RHBDL2: variants seen among roughly 807,000 people sequenced by gnomAD.
The protein encoded by RHBDL2 is rhomboid like 2, also known as rhomboid-related protein 2.
RHBDL2 carries 26 observed loss-of-function variants against 31.7 expected under a neutral mutation model. The observed-to-expected ratio is 0.82, with a 90% CI of 0.60 to 1.14. RHBDL2 has a LOEUF of 1.14. Among genes scored for constraint, RHBDL2 ranks in the 50% most tolerant of loss-of-function variants. The pLI, the probability that RHBDL2 is intolerant of heterozygous loss-of-function variation, is 0.00. For synonymous variants in RHBDL2, 123 were observed against 127.2 expected (o/e 0.97, Z 0.22); for missense variants, 336 against 364.4 (o/e 0.92, Z 0.63).
intron 6 of RHBDL2, among the ~76,000 whole-genome samples, chr1:38,888,490 G>T (rs1256627619): frequency 6.6e-5 from 10 of 152,206 alleles, no homozygotes; most frequent in Non-Finnish European, 1.2e-4. Context: ...TCCAATAGGG[G>T]TGTCAAGGAG....
At chr1:38,906,081 A>C (rs1379796556) in intron 4 of RHBDL2, among the ~76,000 whole-genome samples, 1 of 151,994 alleles carries the variant, frequency 6.6e-6, no homozygotes, top group Non-Finnish European at 1.5e-5. Flanking sequence ...AAAAAAAAAA[A>C]AACTTACAGC....
chr1:38,902,061 T>A (rs958098735), intron 4 of RHBDL2, among the ~76,000 whole-genome samples: 2 of 151,648 alleles, frequency 1.3e-5, no homozygotes, highest in Non-Finnish European at 2.9e-5. Context: ...TCTCACACAT[T>A]ATTTTCAAAT....
chr1:38,905,982 G>T (rs1021015441), intron 4 of RHBDL2, among the ~76,000 whole-genome samples: 2 of 150,980 alleles, frequency 1.3e-5, no homozygotes, highest in African/African-American at 2.4e-5. Flanking sequence ...CAGGAGAATC[G>T]CTTGAACCTG....
intron 1 of RHBDL2, among the ~76,000 whole-genome samples, chr1:38,931,046 C>A (rs1643433985): frequency 1.3e-5 from 2 of 152,148 alleles, no homozygotes; most frequent in Admixed American, 6.5e-5. Context: ...TGGTTCTTCA[C>A]CCTGGCCTCA....
rs1642807438 is a variant in RHBDL2, at chr1:38,887,978, A to G, written c.717T>C (p.Pro239=). ...CTGAACTCACCGGAGACCCATCTTC[A>G]GGAACAAAGAACCTTCTATAGAGAG... The part of the protein sequence containing the change: ...GFALYRRFFV[P]EDGSPVSFAA... Residue 239 remains proline, a synonymous_variant, in exon 7 of 8, where the codon CCT becomes CCC. Transcript: ENST00000372990. The G allele has an allele frequency of 1.9e-6, 3 of 1,611,372 alleles. No individual in the cohort carries two copies. The highest frequency in any genetic ancestry group is 2.5e-6 in the Non-Finnish European group (3 of 1,177,748).
chr1:38,918,295 G>A (rs1395838110), intron 2 of RHBDL2, among the ~76,000 whole-genome samples: 1 of 152,150 alleles, frequency 6.6e-6, no homozygotes, highest in African/African-American at 2.4e-5. Flanking sequence ...TAATGCCCCT[G>A]AAGTCACACT....
At chr1:38,938,548 C>A (rs1643533555) in intron 1 of RHBDL2, among the ~76,000 whole-genome samples, 2 of 152,132 alleles carry the variant, frequency 1.3e-5, no homozygotes, top group Non-Finnish European at 2.9e-5. Context: ...CCCACACTCC[C>A]CATTTGTTGT....
chr1:38,908,437 A>G (rs915673968), intron 4 of RHBDL2, among the ~76,000 whole-genome samples: 4 of 143,398 alleles, frequency 2.8e-5, no homozygotes, highest in East Asian at 2.2e-4. Context: ...ACTTGAACCC[A>G]GGAGGTGGAG....
intron 4 of RHBDL2, among the ~76,000 whole-genome samples, chr1:38,909,540 G>A (rs180989986): frequency 6.6e-5 from 10 of 151,912 alleles, no homozygotes; most frequent in Non-Finnish European, 1.3e-4. Flanking sequence ...TCAGGAGTTC[G>A]AGACCAGCCT....
chr1:38,896,073 A>C lies in RHBDL2; in HGVS notation c.509-4T>G. ...AAGATGGAGCTGGCAAGGGACCCTA[A>C]AGAAATAAAACACAAAGGATCAGAC... On this transcript the variant is annotated splice_region_variant and splice_polypyrimidine_tract_variant and intron_variant, in intron 4 of 7. Transcript: ENST00000372990. The C allele has an allele frequency of 6.2e-7, 1 of 1,600,684 alleles. No homozygotes were observed. Among genetic ancestry groups the C allele is most frequent in the Non-Finnish European group, 8.6e-7 (1 of 1,168,096 alleles).
intron 4 of RHBDL2, among the ~76,000 whole-genome samples, chr1:38,908,626 G>A (rs1012588854): frequency 2.0e-5 from 3 of 151,620 alleles, no homozygotes; most frequent in South Asian, 2.1e-4. Context: ...GGTGTTGTTC[G>A]CTTCTTCAGT....
intron 3 of RHBDL2, among the ~76,000 whole-genome samples, chr1:38,914,226 T>A (rs942072571): frequency 1.3e-5 from 2 of 152,084 alleles, no homozygotes; most frequent in African/African-American, 4.8e-5. Flanking sequence ...CTCATCAATA[T>A]GTTCATGAAC....
chr1:38,939,298 C>T (rs1005153388), intron 1 of RHBDL2, among the ~76,000 whole-genome samples: 13 of 152,020 alleles, frequency 8.6e-5, no homozygotes, highest in African/African-American at 2.7e-4. Context: ...TGGAGTGCAG[C>T]GGCCTGATCT....
At chr1:38,914,847 G>T (rs1481454153) in intron 3 of RHBDL2, among the ~76,000 whole-genome samples, 1 of 151,356 alleles carries the variant, frequency 6.6e-6, no homozygotes, top group Non-Finnish European at 1.5e-5. Context: ...TAGCCAACAT[G>T]GTGAAACCCC....
chr1:38,896,542 CA>C (rs1214240164), intron 4 of RHBDL2, among the ~76,000 whole-genome samples: 5 of 152,020 alleles, frequency 3.3e-5, no homozygotes, highest in Non-Finnish European at 7.4e-5. Flanking sequence ...CTTTTAAGGG[CA>C]AAAACTGCAA....
chr1:38,934,686 G>A (rs866594691), intron 1 of RHBDL2, among the ~76,000 whole-genome samples: 4 of 148,590 alleles, frequency 2.7e-5, no homozygotes, highest in Non-Finnish European at 4.4e-5. Flanking sequence ...GGCTGGGCGC[G>A]GTGGCTCACA....
rs1334631222 is a variant in RHBDL2, at chr1:38,904,314, C to CA, written c.508+7007dup. Among the ~76,000 whole-genome samples, 583 of 150,394 alleles carry CA rather than the reference C, an allele frequency of 3.9e-3. 4 individuals carry two copies. Among genetic ancestry groups the CA allele is most frequent in the African/African-American group, 0.013 (536 of 41,048 alleles). On this transcript the variant is annotated intron_variant, in intron 4 of 7. Transcript: ENST00000372990. ...TGAAACCCCGTCTCTACTAAAAATA[C>CA]AAAAAAAAATTAGCCAGGTGTGGTG...
chr1:38,905,711 T>A (rs1456299413), intron 4 of RHBDL2, among the ~76,000 whole-genome samples: 1 of 138,516 alleles, frequency 7.2e-6, no homozygotes, highest in Non-Finnish European at 1.5e-5. Context: ...AAGATCATGC[T>A]ACTTCACTCC....
intron 2 of RHBDL2, among the ~76,000 whole-genome samples, chr1:38,917,135 A>G (rs1643249390): frequency 1.4e-5 from 2 of 147,376 alleles, no homozygotes; most frequent in South Asian, 4.3e-4. Context: ...CTCCTGCCTC[A>G]GCCTCCCAAG....
Sources: gnomAD v4.1 joint callset for allele counts (sites outside exome capture counted in the v4.1 genomes callset) on GRCh38, gnomAD v4.1.1 for gene constraint, MANE v1.5 for transcripts, NCBI Gene and HGNC (gene_info 2026-07-23, HGNC 2026-07-21) for gene names.